Variants in RCAN2 observed in about 807,000 individuals in gnomAD.
RCAN2 encodes the protein calcipressin-2.
In RCAN2, 9 loss-of-function variants were observed where a neutral mutation model predicts 23.6. The ratio of observed to expected loss-of-function variants is 0.38; its 90% CI spans 0.23 to 0.67. RCAN2 has a LOEUF of 0.67. RCAN2 is among the 30% of genes least tolerant of loss of function. The pLI is 0.51. For synonymous variants in RCAN2, 109 were observed against 115.7 expected (o/e 0.94, Z 0.37); for missense variants, 273 against 302.3 (o/e 0.90, Z 0.72).
At chr6:46,341,980 T>C (rs1764333513) in intron 2 of RCAN2, among the ~76,000 whole-genome samples, 1 of 151,928 alleles carries the variant, frequency 6.6e-6, no homozygotes, top group Non-Finnish European at 1.5e-5. Context: ...AGGTTGATTA[T>C]ACATATTCAC....
intron 2 of RCAN2, among the ~76,000 whole-genome samples, chr6:46,312,231 G>A (rs568794264): frequency 1.1e-4 from 16 of 152,268 alleles, no homozygotes; most frequent in African/African-American, 3.4e-4. Flanking sequence ...TTCTCCTAGC[G>A]TGGTATATGG....
At chr6:46,477,176 C>T (rs1768738847) in intron 1 of RCAN2, among the ~76,000 whole-genome samples, 1 of 152,068 alleles carries the variant, frequency 6.6e-6, no homozygotes, top group Non-Finnish European at 1.5e-5. Context: ...TCCTCCCCTT[C>T]TCTCTCTCCA....
intron 1 of RCAN2, among the ~76,000 whole-genome samples, chr6:46,463,821 T>C (rs532998233): frequency 7.9e-5 from 12 of 152,254 alleles, no homozygotes; most frequent in African/African-American, 2.9e-4. Context: ...AAGCAAGACA[T>C]ACAAAAAGCA....
intron 2 of RCAN2, among the ~76,000 whole-genome samples, chr6:46,376,415 C>T (rs897799940): frequency 6.6e-6 from 1 of 152,238 alleles, no homozygotes; most frequent in Non-Finnish European, 1.5e-5. Context: ...GGCTCTGTGG[C>T]TCACGCCTGT....
chr6:46,434,199 CA>C (rs1430597467), intron 2 of RCAN2, among the ~76,000 whole-genome samples: 1 of 152,232 alleles, frequency 6.6e-6, no homozygotes, highest in Non-Finnish European at 1.5e-5. Flanking sequence ...AATATTACCA[CA>C]GTGATAAAAG....
intron 2 of RCAN2, among the ~76,000 whole-genome samples, chr6:46,422,554 CA>C (rs1160344608): frequency 6.6e-6 from 1 of 152,066 alleles, no homozygotes; most frequent in Admixed American, 6.6e-5. Context: ...ATGTTCCAAA[CA>C]GATTTAAAAA....
intron 2 of RCAN2, among the ~76,000 whole-genome samples, chr6:46,254,391 G>C (rs1766835951): frequency 6.6e-6 from 1 of 152,130 alleles, no homozygotes; most frequent in Admixed American, 6.5e-5. Flanking sequence ...GATAATACTG[G>C]TATTGAATGC....
chr6:46,484,733 A>C (rs1282254423), intron 1 of RCAN2, among the ~76,000 whole-genome samples: 1 of 152,244 alleles, frequency 6.6e-6, no homozygotes, highest in African/African-American at 2.4e-5. Flanking sequence ...TCAGGAGAGA[A>C]GCCATCCACA....
At chr6:46,416,060 G>A (rs992657094) in intron 2 of RCAN2, among the ~76,000 whole-genome samples, 5 of 152,122 alleles carry the variant, frequency 3.3e-5, no homozygotes, top group African/African-American at 9.7e-5. Context: ...CATATGTTCA[G>A]TACAGACACA....
chr6:46,292,740 T>C (rs1224358988), intron 2 of RCAN2, among the ~76,000 whole-genome samples: 1 of 152,208 alleles, frequency 6.6e-6, no homozygotes, highest in Non-Finnish European at 1.5e-5. Flanking sequence ...TTTTTTATTA[T>C]ACTTTAAGTT....
chr6:46,253,334 G>T (rs1270346207), intron 2 of RCAN2, among the ~76,000 whole-genome samples: 1 of 152,178 alleles, frequency 6.6e-6, no homozygotes, highest in East Asian at 1.9e-4. Context: ...TATAGTAGCA[G>T]ATTCATTTCA....
At chr6:46,336,653 C>T (rs1203527517) in intron 2 of RCAN2, among the ~76,000 whole-genome samples, 1 of 152,058 alleles carries the variant, frequency 6.6e-6, no homozygotes, top group African/African-American at 2.4e-5. Context: ...CTTTGAGTGC[C>T]AGGGTTAAGA....
At chr6:46,276,643 A>C (rs1218785069) in intron 2 of RCAN2, among the ~76,000 whole-genome samples, 1 of 152,244 alleles carries the variant, frequency 6.6e-6, no homozygotes, top group Non-Finnish European at 1.5e-5. Flanking sequence ...TTTTAAATAC[A>C]AAAACCTGTC....
rs534712087 is a variant in RCAN2 at position 46,383,803 on chromosome 6, G to T, written c.225+72949C>A. Among the ~76,000 whole-genome samples, 4 of 152,284 alleles carry T rather than the reference G, an allele frequency of 2.6e-5. No individual in the cohort carries two copies. In the South Asian group the frequency reaches 8.3e-4, roughly 32 times the overall value. On this transcript the variant is annotated intron_variant, in intron 2 of 4. Coordinates refer to ENST00000371374, the MANE Select transcript of RCAN2 (RefSeq NM_001251974.2). ...AGTTCTGATGGGCAGTACTATTCTG[G>T]AAGGTAAGAATTATCTCAAATGCTA...
intron 2 of RCAN2, among the ~76,000 whole-genome samples, chr6:46,448,131 A>G (rs1457980696): frequency 1.3e-5 from 2 of 151,908 alleles, no homozygotes; most frequent in South Asian, 2.1e-4. Flanking sequence ...CTCAAATAAA[A>G]TCAGAAATGA....
chr6:46,382,703 G>A (rs1765643279), intron 2 of RCAN2, among the ~76,000 whole-genome samples: 1 of 152,102 alleles, frequency 6.6e-6, no homozygotes. Context: ...AGAATAATAA[G>A]ATTACACAGA....
intron 2 of RCAN2, among the ~76,000 whole-genome samples, chr6:46,261,266 A>G (rs1482197150): frequency 6.6e-6 from 1 of 152,208 alleles, no homozygotes; most frequent in East Asian, 1.9e-4. Context: ...AGGTAAGAAG[A>G]GGCAGTATAA....
chr6:46,235,250 A>T (rs1766051099), intron 4 of RCAN2, among the ~76,000 whole-genome samples: 1 of 152,192 alleles, frequency 6.6e-6, no homozygotes. Context: ...AAACTCTATG[A>T]TGGAAGGAAG....
chr6:46,309,874 A>T (rs1387902703), intron 2 of RCAN2, among the ~76,000 whole-genome samples: 1 of 152,182 alleles, frequency 6.6e-6, no homozygotes, highest in Admixed American at 6.5e-5. Flanking sequence ...GCCAAATAAA[A>T]TGCACCTATG....
Sources: allele counts gnomAD v4.1 joint callset (sites outside exome capture counted in the v4.1 genomes callset), GRCh38; gene constraint gnomAD v4.1.1; transcripts MANE v1.5; gene names NCBI Gene and HGNC (gene_info 2026-07-23, HGNC 2026-07-21).